TMED3: variants seen among roughly 807,000 people sequenced by gnomAD.
TMED3 encodes the protein transmembrane p24 trafficking protein 3, also known as transmembrane emp24 domain-containing protein 3.
Under a neutral mutation model 15.0 loss-of-function variants are expected in TMED3, and 9 were observed. That is an observed-to-expected ratio of 0.60 (90% CI 0.36 to 1.04). TMED3 has a LOEUF of 1.04. TMED3 is among the 50% of genes least tolerant of loss of function. The probability of loss-of-function intolerance (pLI) is 0.01; values close to 1 mark genes in which losing one functional copy is unlikely to be tolerated. For missense variants in TMED3, 267 were observed against 278.9 expected, an observed-to-expected ratio of 0.96 and a Z score of 0.30; for synonymous variants, 117 against 121.4, an observed-to-expected ratio of 0.96 and a Z score of 0.24.
At chr15:79,403,105 C>T (rs1893856090) in intron 2 of TMED3, among the ~76,000 whole-genome samples, 1 of 150,966 alleles carries the variant, frequency 6.6e-6, no homozygotes, top group Non-Finnish European at 1.5e-5. Flanking sequence ...GCCTGTAATC[C>T]CAGCTACTTG....
intron 2 of TMED3, among the ~76,000 whole-genome samples, chr15:79,402,284 A>G (rs893182763): frequency 6.6e-6 from 1 of 152,162 alleles, no homozygotes; most frequent in African/African-American, 2.4e-5. Context: ...GGGTCCAGTT[A>G]TCTTATGGTC....
intron 2 of TMED3, among the ~76,000 whole-genome samples, chr15:79,390,198 C>G (rs1242956263): frequency 6.6e-6 from 1 of 152,100 alleles, no homozygotes; most frequent in African/African-American, 2.4e-5. Context: ...CAACTTTTCC[C>G]TATTCAGTAT....
downstream of TMED3, among the ~76,000 whole-genome samples, chr15:79,323,145 G>T (rs866208409): frequency 3.3e-5 from 5 of 152,250 alleles, no homozygotes; most frequent in Admixed American, 1.3e-4. Context: ...TGACCCAAAG[G>T]CACATTATCA....
At chr15:79,317,204 C>T (rs990912573) in intron 2 of TMED3, among the ~76,000 whole-genome samples, 3 of 152,216 alleles carry the variant, frequency 2.0e-5, no homozygotes, top group African/African-American at 7.2e-5. Flanking sequence ...CACGAGGCCT[C>T]TTCATGCAGT....
At chr15:79,380,581 T>TTATATA (rs375808118) in intron 2 of TMED3, among the ~76,000 whole-genome samples, 1 of 102,912 alleles carries the variant, frequency 9.7e-6, no homozygotes, top group Non-Finnish European at 2.0e-5. Flanking sequence ...ATATATAGTT[T>TTATATA]TATATATATA....
chr15:79,354,126 G>A (rs1405049231), intron 2 of TMED3, among the ~76,000 whole-genome samples: 1 of 152,136 alleles, frequency 6.6e-6, no homozygotes, highest in East Asian at 1.9e-4. Context: ...GAAGAATTGA[G>A]GTGTGTAGTT....
chr15:79,374,082 A>G (rs1045943547), intron 2 of TMED3, among the ~76,000 whole-genome samples: 1 of 152,198 alleles, frequency 6.6e-6, no homozygotes, highest in African/African-American at 2.4e-5. Flanking sequence ...AAAGACCTGG[A>G]AAAAGAAGGG....
chr15:79,403,169 G>T (rs1893856923), intron 2 of TMED3, among the ~76,000 whole-genome samples: 1 of 136,648 alleles, frequency 7.3e-6, no homozygotes. Flanking sequence ...ATTGCAGTGA[G>T]CTGAGATCAC....
intron 2 of TMED3, among the ~76,000 whole-genome samples, chr15:79,317,652 G>T (rs769387162): frequency 2.6e-5 from 4 of 152,198 alleles, no homozygotes; most frequent in Middle Eastern, 3.4e-3. Context: ...TACTACCTAT[G>T]ACCATGATAC....
intron 2 of TMED3, among the ~76,000 whole-genome samples, chr15:79,330,964 TG>T (rs1337175615): frequency 6.6e-6 from 1 of 152,218 alleles, no homozygotes; most frequent in Non-Finnish European, 1.5e-5. Context: ...AAGGTTTAAT[TG>T]GCTCACAGTT....
At chr15:79,402,912 G>A (rs1746439250) in intron 2 of TMED3, among the ~76,000 whole-genome samples, 1 of 152,050 alleles carries the variant, frequency 6.6e-6, no homozygotes, top group Non-Finnish European at 1.5e-5. Context: ...GCCTTGTGAA[G>A]GAGTCTCATC....
At chr15:79,350,301 A>T (rs906220936) in intron 2 of TMED3, among the ~76,000 whole-genome samples, 4 of 152,156 alleles carry the variant, frequency 2.6e-5, no homozygotes, top group Non-Finnish European at 5.9e-5. Context: ...AGGAGAATTG[A>T]CTCACATAAT....
intron 2 of TMED3, among the ~76,000 whole-genome samples, chr15:79,386,646 T>C (rs12437750): frequency 0.099 from 14,970 of 151,624 alleles, 867 homozygotes; most frequent in Admixed American, 0.14. Flanking sequence ...TTCAAGCAAT[T>C]CTCTGCCTCA....
At chr15:79,411,214 G>A (rs1893974259) in intron 2 of TMED3, among the ~76,000 whole-genome samples, 1 of 152,164 alleles carries the variant, frequency 6.6e-6, no homozygotes, top group Admixed American at 6.5e-5. Context: ...CCCCATTTCT[G>A]GCAGGTGAAT....
intron 2 of TMED3, among the ~76,000 whole-genome samples, chr15:79,397,885 T>C (rs1893782197): frequency 6.6e-6 from 1 of 152,178 alleles, no homozygotes; most frequent in African/African-American, 2.4e-5. Context: ...ACAGTTTCCA[T>C]ATGCTCCCTC....
At chr15:79,361,666 T>C (rs1893129251) in intron 2 of TMED3, among the ~76,000 whole-genome samples, 1 of 151,780 alleles carries the variant, frequency 6.6e-6, no homozygotes, top group Non-Finnish European at 1.5e-5. Flanking sequence ...AACTTACTCA[T>C]GTAATCAAAC....
chr15:79,400,125 C>T (rs1424716091), intron 2 of TMED3, among the ~76,000 whole-genome samples: 1 of 152,214 alleles, frequency 6.6e-6, no homozygotes, highest in Non-Finnish European at 1.5e-5. Flanking sequence ...TGTCATGCTC[C>T]TCCCAACCTC....
chr15:79,396,244 G>A (rs112424348), intron 2 of TMED3, among the ~76,000 whole-genome samples: 48 of 152,218 alleles, frequency 3.2e-4, no homozygotes, highest in African/African-American at 1.0e-3. Context: ...CTAACAAATC[G>A]TGCCAACATT....
chr15:79,314,494 A>G (rs576965335), intron 2 of TMED3: 279 of 453,054 alleles, frequency 6.2e-4, no homozygotes, highest in Admixed American at 1.2e-3. Flanking sequence ...GGTGTGACTC[A>G]GGAATCCAGG....
Sources: allele counts gnomAD v4.1 joint callset (sites outside exome capture counted in the v4.1 genomes callset), GRCh38; gene constraint gnomAD v4.1.1; transcripts MANE v1.5; gene names NCBI Gene and HGNC (gene_info 2026-07-23, HGNC 2026-07-21).